DAB1: variants seen among roughly 807,000 people sequenced by gnomAD.
DAB1 encodes disabled homolog 1.
A neutral mutation model predicts 64.6 loss-of-function variants in DAB1; 15 were observed. The observed-to-expected ratio is 0.23, with a 90% CI of 0.16 to 0.36. DAB1 has a LOEUF of 0.36. DAB1 is among the 10% of genes least tolerant of loss of function. The pLI, the probability that DAB1 is intolerant of heterozygous loss-of-function variation, is 1.00. For missense variants in DAB1, 596 were observed against 706.7 expected (o/e 0.84, Z 1.78); for synonymous variants, 235 against 251.9 (o/e 0.93, Z 0.64).
At chr1:58,117,569 C>T (rs1396981205) in intron 5 of DAB1, among the ~76,000 whole-genome samples, 1 of 152,164 alleles carries the variant, frequency 6.6e-6, no homozygotes. Context: ...CATTGCGTGG[C>T]TTCAAACCAG....
chr1:58,426,029 G>A (rs1445154780), intron 3 of DAB1, among the ~76,000 whole-genome samples: 1 of 152,220 alleles, frequency 6.6e-6, no homozygotes, highest in African/African-American at 2.4e-5. Context: ...GGAGTGGAAA[G>A]GGTCCAAAGT....
intron 5 of DAB1, among the ~76,000 whole-genome samples, chr1:57,889,264 T>C (rs1644271494): frequency 6.6e-6 from 1 of 152,266 alleles, no homozygotes; most frequent in Non-Finnish European, 1.5e-5. Flanking sequence ...ATGCTGGGCA[T>C]GATCATCAGT....
intron 7 of DAB1, among the ~76,000 whole-genome samples, chr1:57,612,886 G>A (rs1377954325): frequency 6.6e-6 from 1 of 152,102 alleles, no homozygotes; most frequent in African/African-American, 2.4e-5. Flanking sequence ...AAAAGGATTT[G>A]TTGCATCAGT....
At chr1:57,490,041 A>T (rs1205653482) in intron 7 of DAB1, among the ~76,000 whole-genome samples, 1 of 152,158 alleles carries the variant, frequency 6.6e-6, no homozygotes, top group African/African-American at 2.4e-5. Context: ...GTCCGCTTCC[A>T]CCATGTGAGA....
Position 58,172,049 on chromosome 1 carries a change from G to A in DAB1, n.310-21461C>T, listed in dbSNP as rs186476920. 1.4e-3 allele frequency among the ~76,000 whole-genome samples: 220 copies of A among 152,198 alleles called. 1 individual carries two copies. The highest frequency in any genetic ancestry group is 2.5e-3 in the Non-Finnish European group (167 of 68,016). On this transcript the variant is annotated intron_variant and non_coding_transcript_variant, in intron 4 of 20. Coordinates refer to the DAB1 transcript ENST00000485760. ...TGGCTTTTGCCAACTATGGATCCCC[G>A]GATACAGCGAGATAGCCAGGCCCCT...
At chr1:57,269,124 T>A (rs924725457) in intron 2 of DAB1, among the ~76,000 whole-genome samples, 3 of 152,002 alleles carry the variant, frequency 2.0e-5, no homozygotes, top group African/African-American at 7.3e-5. Context: ...CAACCGGAAG[T>A]GGAGAGGTAG....
chr1:57,956,283 C>T (rs1019934499), intron 5 of DAB1, among the ~76,000 whole-genome samples: 3 of 152,034 alleles, frequency 2.0e-5, no homozygotes, highest in Non-Finnish European at 4.4e-5. Flanking sequence ...GAAGCAGTAA[C>T]CCAGAGCTGA....
intron 4 of DAB1, among the ~76,000 whole-genome samples, chr1:58,266,398 A>T (rs1032777616): frequency 6.6e-6 from 1 of 152,188 alleles, no homozygotes; most frequent in Non-Finnish European, 1.5e-5. Context: ...TGCTGCCAGG[A>T]AACAGCAGTT....
rs542288385 is a variant in DAB1, at chr1:57,221,126, T to G, written c.67+69838A>C. On this transcript the variant is annotated intron_variant, in intron 2 of 14. Transcript: ENST00000371236. ...CATGGATGAAGCTGGAAACCATCACTCTCAGCAAACTATTGCAGGGACAAA... is the reference window on the plus strand; with the variant it reads ...CATGGATGAAGCTGGAAACCATCACGCTCAGCAAACTATTGCAGGGACAAA... Among the ~76,000 whole-genome samples the G allele has an allele frequency of 3.9e-5, 6 of 152,076 alleles. No homozygotes were observed. The South Asian group carries it at 1.2e-3, about 32-fold the overall frequency.
intron 3 of DAB1, among the ~76,000 whole-genome samples, chr1:58,458,902 C>T (rs6662936): frequency 0.29 from 43,446 of 151,724 alleles, 6,669 homozygotes; most frequent in African/African-American, 0.37. Flanking sequence ...TTTTTAACCT[C>T]TCTGAGCCTC....
At chr1:57,892,049 C>G (rs776893116) in intron 5 of DAB1, among the ~76,000 whole-genome samples, 16 of 152,154 alleles carry the variant, frequency 1.1e-4, no homozygotes, top group Non-Finnish European at 1.8e-4. Context: ...CAATCCTTAG[C>G]GTTTTTCTAT....
chr1:57,049,445 C>T lies in DAB1; in HGVS notation c.723+13439G>A, dbSNP rs556051693. 8.2e-3 allele frequency among the ~76,000 whole-genome samples: 392 copies of T among 47,738 alleles called. 3 individuals are homozygous for T. The highest frequency in any genetic ancestry group is 0.023 in the African/African-American group (358 of 15,360). The allele number at this position is 47,738 out of a possible 152,430, so 31.3% of individuals were successfully genotyped here. On this transcript the variant is annotated intron_variant, in intron 9 of 14. Coordinates refer to ENST00000371236, the MANE Select transcript of DAB1 (RefSeq NM_001365792.1). ...CAGCCTGGGCAACAGAGCAAGACTC[C>T]GTCTCAAAAAAAAAAAAAAAAAAAA...
At chr1:57,306,596 C>G (rs545625782) in intron 1 of DAB1, among the ~76,000 whole-genome samples, 1 of 150,164 alleles carries the variant, frequency 6.7e-6, no homozygotes, top group Admixed American at 6.6e-5. Flanking sequence ...CCCCCAGGCT[C>G]CTTGTCTGTT....
intron 6 of DAB1, among the ~76,000 whole-genome samples, chr1:57,757,632 C>T (rs958407884): frequency 1.1e-4 from 17 of 152,128 alleles, no homozygotes; most frequent in African/African-American, 3.6e-4. Flanking sequence ...GACCATCAGT[C>T]ATATTGGATT....
intron 3 of DAB1, among the ~76,000 whole-genome samples, chr1:58,422,281 T>C (rs143946402): frequency 1.3e-5 from 2 of 152,004 alleles, no homozygotes; most frequent in East Asian, 1.9e-4. Context: ...ACTTGGCACA[T>C]AGTAAGCACT....
intron 7 of DAB1, among the ~76,000 whole-genome samples, chr1:57,620,730 A>G (rs1476777872): frequency 6.6e-6 from 1 of 152,178 alleles, no homozygotes; most frequent in East Asian, 1.9e-4. Context: ...ACACAGATGC[A>G]GAGAGGGAGA....
intron 6 of DAB1, among the ~76,000 whole-genome samples, chr1:57,686,927 C>T (rs766814552): frequency 6.6e-6 from 1 of 152,154 alleles, no homozygotes; most frequent in Non-Finnish European, 1.5e-5. Flanking sequence ...GACAAACCCA[C>T]AGCCAACATC....
chr1:57,619,456 A>T (rs1205236137), intron 7 of DAB1, among the ~76,000 whole-genome samples: 1 of 152,130 alleles, frequency 6.6e-6, no homozygotes. Flanking sequence ...GCTGGAATGC[A>T]GTGGTGCAAT....
At chr1:57,165,286 C>T (rs1479409293) in intron 2 of DAB1, among the ~76,000 whole-genome samples, 1 of 151,762 alleles carries the variant, frequency 6.6e-6, no homozygotes, top group East Asian at 1.9e-4. Flanking sequence ...GCATGAAAAC[C>T]TACACAGCCT....
Sources: allele counts gnomAD v4.1 joint callset (sites outside exome capture counted in the v4.1 genomes callset), GRCh38; gene constraint gnomAD v4.1.1; transcripts MANE v1.5; gene names NCBI Gene and HGNC (gene_info 2026-07-23, HGNC 2026-07-21).